LMX1A: variants seen among roughly 807,000 people sequenced by gnomAD.
The protein encoded by LMX1A is LIM homeobox transcription factor 1 alpha.
Under a neutral mutation model 49.1 loss-of-function variants are expected in LMX1A, and 15 were observed. The observed-to-expected ratio is 0.31, with a 90% confidence interval of 0.20 to 0.47. LMX1A has a LOEUF of 0.47. Among genes scored for constraint, LMX1A ranks in the 20% least tolerant of loss-of-function variants. The pLI, the probability that LMX1A is intolerant of heterozygous loss-of-function variation, is 1.00. For synonymous variants in LMX1A, 167 were observed against 185.7 expected (o/e 0.90, Z 0.82); for missense variants, 372 against 475.8 (o/e 0.78, Z 2.03).
At position 165,208,039 on chromosome 1, in the gene LMX1A, G is replaced by C. The variant is rs749342984; in HGVS notation, c.817+24C>G. 1.7e-5 allele frequency: 28 copies of C among 1,609,346 alleles called. No individual in the cohort carries two copies. In the South Asian group the frequency reaches 2.8e-4, roughly 16 times the overall value. On this transcript the variant is annotated intron_variant, in intron 7 of 8. Coordinates refer to ENST00000342310, the MANE Select transcript of LMX1A (RefSeq NM_177398.4). ...AACAGCCTGGATTCCAGCCAGAACT[G>C]CCTGGGAGGAGGCACCAGCTTACCA...
Position 165,203,899 on chromosome 1 carries a change from T to C in LMX1A, c.1130A>G (p.Asn377Ser). ...GAAGACTCAAGATGTGAAGTAAGAA[T>C]TCTGCATGGAGTACAGATGGTCAAT... ...NPIDHLYSMQ[N>S]SYFTS The change falls in exon 9 of 9, where the codon AAT becomes AGT. Residue 377 changes from asparagine (N) to serine (S), a missense_variant. Asn to Ser is a conservative substitution (Grantham distance 46, BLOSUM62 1). Around this residue, in one of 3 missense-constraint regions of LMX1A, gnomAD observed 127 missense variants for 138.0 expected, o/e 0.92. Transcript: ENST00000342310. 1 of 1,614,094 alleles carries C rather than the reference T, an allele frequency of 6.2e-7. No individual in the cohort carries two copies. The highest frequency in any genetic ancestry group is 8.5e-7 in the Non-Finnish European group (1 of 1,179,982).
At chr1:165,264,156 A>AC (rs111345445) in intron 3 of LMX1A, among the ~76,000 whole-genome samples, 9 of 151,724 alleles carry the variant, frequency 5.9e-5, no homozygotes, top group East Asian at 5.8e-4. Flanking sequence ...ATAAAAAAAA[A>AC]CAGGAGGAAT....
intron 3 of LMX1A, among the ~76,000 whole-genome samples, chr1:165,330,576 T>C (rs538012719): frequency 6.6e-6 from 1 of 152,222 alleles, no homozygotes; most frequent in African/African-American, 2.4e-5. Context: ...GTAGACAAAA[T>C]ATAGAAAACA....
In LMX1A at chr1:165,321,828, G is replaced by A. The variant is rs1307814740; in HGVS notation, c.263+31248C>T. On this transcript the variant is annotated intron_variant, in intron 3 of 8. Transcript: ENST00000342310. ...CAAGAAAATGAAAAGACAACCCACA[G>A]AATAGGAGAAAATATTTGCAAATCA... Among the ~76,000 whole-genome samples, 5 of 152,194 alleles carry A rather than the reference G, an allele frequency of 3.3e-5. No individual in the cohort carries two copies. In the East Asian group the frequency reaches 9.6e-4, roughly 29 times the overall value.
rs529585761 is a variant in LMX1A at position 165,251,980 on chromosome 1, T to C, written c.264-2340A>G. Among the ~76,000 whole-genome samples, 462 of 152,314 alleles carry C rather than the reference T, an allele frequency of 3.0e-3. 2 individuals are homozygous for C. The highest frequency in any genetic ancestry group is 4.3e-3 in the Non-Finnish European group (295 of 68,024). On this transcript the variant is annotated intron_variant, in intron 3 of 8. Coordinates refer to ENST00000342310, the MANE Select transcript of LMX1A (RefSeq NM_177398.4). ...TTGGGCAGGTTGTTTAGCCCGCCCC[T>C]TCATATTTCCTTTTTTCTGTCTGTT...
intron 2 of LMX1A, among the ~76,000 whole-genome samples, chr1:165,354,668 G>T (rs1332331018): frequency 6.6e-6 from 1 of 152,214 alleles, no homozygotes; most frequent in Non-Finnish European, 1.5e-5. Context: ...CCGCTCTAGC[G>T]GTTCCGAGTG....
intron 5 of LMX1A, 110 bp downstream of exon 5, chr1:165,213,531 C>T (rs181892136): frequency 9.9e-7 from 1 of 1,006,944 alleles, no homozygotes; most frequent in Non-Finnish European, 1.5e-6. Flanking sequence ...TCTGTCTGAA[C>T]AGCCTTCCTC....
intron 3 of LMX1A, among the ~76,000 whole-genome samples, chr1:165,291,311 A>G (rs560199567): frequency 5.5e-4 from 84 of 152,324 alleles, no homozygotes; most frequent in Non-Finnish European, 9.0e-4. Flanking sequence ...GGAGAAACCC[A>G]CCAAAGGCAT....
intron 3 of LMX1A, among the ~76,000 whole-genome samples, chr1:165,324,769 C>T (rs1003974547): frequency 1.3e-5 from 2 of 152,114 alleles, no homozygotes; most frequent in African/African-American, 4.8e-5. Flanking sequence ...ATAATTTGCC[C>T]ATTTTTACAA....
intron 3 of LMX1A, among the ~76,000 whole-genome samples, chr1:165,320,355 C>T (rs1223387698): frequency 1.3e-5 from 2 of 152,186 alleles, no homozygotes; most frequent in Admixed American, 1.3e-4. Flanking sequence ...CTCGAGCCCA[C>T]CCCAATGTGA....
intron 3 of LMX1A, among the ~76,000 whole-genome samples, chr1:165,264,701 A>G (rs1006111766): frequency 6.6e-6 from 1 of 152,194 alleles, no homozygotes. Flanking sequence ...TCATGCCTAT[A>G]ATCCCAGCAC....
intron 3 of LMX1A, among the ~76,000 whole-genome samples, chr1:165,282,119 C>T (rs547023880): frequency 6.6e-6 from 1 of 152,314 alleles, no homozygotes; most frequent in Admixed American, 6.5e-5. Context: ...GTGTTTCTTC[C>T]TTCTCCACAC....
intron 4 of LMX1A, among the ~76,000 whole-genome samples, chr1:165,224,467 G>A (rs16841285): frequency 0.012 from 1,851 of 152,144 alleles, 28 homozygotes; most frequent in African/African-American, 0.043. Context: ...GGAACTATGG[G>A]GTACAGTGTT....
Position 165,249,652 on chromosome 1 carries a change from G to C in LMX1A, c.264-12C>G. ...TAACAGCAAACAGCCTGGCAGCAGG[G>C]AGAAAGGAAGTACATGCACCATGAG... On this transcript the variant is annotated splice_polypyrimidine_tract_variant and intron_variant, in intron 3 of 8. Transcript: ENST00000342310. The C allele has an allele frequency of 6.2e-7, 1 of 1,606,854 alleles. No individual in the cohort carries two copies. Among genetic ancestry groups the C allele is most frequent in the Non-Finnish European group, 8.5e-7 (1 of 1,175,098 alleles).
chr1:165,343,909 T>C (rs1440335565), intron 3 of LMX1A, among the ~76,000 whole-genome samples: 1 of 152,216 alleles, frequency 6.6e-6, no homozygotes, highest in African/African-American at 2.4e-5. Context: ...AAAAAGTATC[T>C]TCAGAAGAAT....
intron 3 of LMX1A, among the ~76,000 whole-genome samples, chr1:165,265,039 T>C (rs1445006006): frequency 6.6e-6 from 1 of 151,696 alleles, no homozygotes; most frequent in Non-Finnish European, 1.5e-5. Context: ...CTGTCTCTAC[T>C]AAAAATGCAA....
chr1:165,261,211 G>A (rs1009719107), intron 3 of LMX1A, among the ~76,000 whole-genome samples: 6 of 152,054 alleles, frequency 3.9e-5, no homozygotes, highest in African/African-American at 9.7e-5. Context: ...AGTCTGATCC[G>A]GTGGAAGTGA....
intron 3 of LMX1A, among the ~76,000 whole-genome samples, chr1:165,345,665 C>T (rs1165228037): frequency 1.3e-5 from 2 of 152,176 alleles, no homozygotes; most frequent in Non-Finnish European, 2.9e-5. Context: ...CTGAGAGTTA[C>T]GCTACTCACC....
chr1:165,230,769 T>C lies in LMX1A; in HGVS notation c.497-16956A>G, dbSNP rs777968506. On this transcript the variant is annotated intron_variant, in intron 4 of 8. Transcript: ENST00000342310. ...GGAAAGGAGCTTATCCAAGATCACA[T>C]GCCTACTTAGCAGCCCCCAAATCTA... is the stretch of plus-strand genomic sequence containing the variant. Among the ~76,000 whole-genome samples, 32 of 152,226 alleles carry C rather than the reference T, an allele frequency of 2.1e-4. 1 individual carries two copies. The highest frequency in any genetic ancestry group is 4.3e-4 in the Non-Finnish European group (29 of 68,032).
Sources: gnomAD v4.1 joint callset for allele counts (sites outside exome capture counted in the v4.1 genomes callset) on GRCh38, gnomAD v4.1.1 for gene constraint, gnomAD v4.1.1 regional missense constraint, MANE v1.5 for transcripts, NCBI Gene and HGNC (gene_info 2026-07-23, HGNC 2026-07-21) for gene names.